Variants in BPHL observed in about 807,000 individuals in gnomAD.
BPHL encodes serine hydrolase BPHL.
BPHL carries 27 observed loss-of-function variants against 31.2 expected under a neutral mutation model. The observed-to-expected ratio is 0.87, with a 90% CI of 0.64 to 1.19. BPHL has a LOEUF of 1.19. BPHL is among the 50% of genes most tolerant of loss of function. The probability of loss-of-function intolerance (pLI) is 0.00; values close to 1 mark genes in which losing one functional copy is unlikely to be tolerated. For synonymous variants in BPHL, 150 were observed against 146.8 expected, an observed-to-expected ratio of 1.02 and a Z score of -0.16; for missense variants, 356 against 375.7, an observed-to-expected ratio of 0.95 and a Z score of 0.43.
chr6:3,148,500 T>C (rs549205324), intron 6 of BPHL, among the ~76,000 whole-genome samples: 1 of 152,310 alleles, frequency 6.6e-6, no homozygotes, highest in South Asian at 2.1e-4. Context: ...GGTGGGGAGG[T>C]AGACGCTGCA....
rs1219055645 is a variant in BPHL, at chr6:3,149,578, GC to G, written c.789-2905del. Among the ~76,000 whole-genome samples the G allele has an allele frequency of 6.6e-6, 1 of 152,158 alleles. No individual in the cohort carries two copies. Among genetic ancestry groups the G allele is most frequent in the Non-Finnish European group, 1.5e-5 (1 of 68,044 alleles). ...GAGGAGAGCCTGGCCAGCCAGGGCA[GC>G]CCCCAACTTCATCAGCAGCAAGGAG... On this transcript the variant is annotated intron_variant, in intron 6 of 6. Coordinates refer to ENST00000380379, the MANE Select transcript of BPHL (RefSeq NM_004332.4). The surrounding 1 kb of genome is among the most constrained non-coding windows in gnomAD (Gnocchi z 4.6).
rs756674703 is a variant in BPHL at position 3,152,517 on chromosome 6, A to G, written c.818A>G (p.Asn273Ser). ...CATTTGATGCCAGAAGGCAAACACA[A>G]CCTGCATTTGCGTTTTGCAGATGAA... ...RLHLMPEGKH[N>S]LHLRFADEFN... The change falls in exon 7 of 7, where the codon AAC (asparagine) becomes AGC (serine). Residue 273 changes from asparagine (N) to serine (S), a missense_variant. Transcript: ENST00000380379. 1.2e-6 allele frequency: 2 copies of G among 1,613,196 alleles called. No individual in the cohort carries two copies. The highest frequency in any genetic ancestry group is 8.5e-7 in the Non-Finnish European group (1 of 1,179,726).
At position 3,118,828 on chromosome 6, in the gene BPHL, G is replaced by C; in HGVS notation, c.88G>C (p.Gly30Arg). ...GCCCGGGATCCACGTCCCACGGGCCGGACCCGCGGCCGCGTTCGGGTAATG... is the reference window on the plus strand; with the variant it reads ...GCCCGGGATCCACGTCCCACGGGCCCGACCCGCGGCCGCGTTCGGGTAATG... Reference protein sequence around the residue: ...LKPGIHVPRAGPAAAFGTSVT... With the variant: ...LKPGIHVPRARPAAAFGTSVT... The change falls in exon 1 of 7, where the codon GGA becomes CGA. Residue 30 changes from glycine (G) to arginine (R), a missense_variant. Coordinates refer to ENST00000380379, the MANE Select transcript of BPHL (RefSeq NM_004332.4). 2.4e-6 allele frequency: 3 copies of C among 1,242,598 alleles called. No homozygotes were observed. The highest frequency in any genetic ancestry group is 8.4e-5 in the Admixed American group (2 of 23,718). The allele number at this position is 1,242,598 out of a possible 1,614,324, so 77.0% of individuals were successfully genotyped here.
intron 2 of BPHL, among the ~76,000 whole-genome samples, chr6:3,126,178 G>T (rs1306592322): frequency 1.3e-5 from 2 of 150,736 alleles, no homozygotes; most frequent in African/African-American, 4.9e-5. Context: ...CAGTGTTTTT[G>T]TTTAGTTTTC....
chr6:3,119,292 C>T (rs987266095), intron 1 of BPHL: 2 of 1,543,578 alleles, frequency 1.3e-6, no homozygotes, highest in Non-Finnish European at 1.7e-6. Context: ...CAGAAATCAG[C>T]CTGAGCCTGA....
intron 4 of BPHL, among the ~76,000 whole-genome samples, chr6:3,133,893 G>A (rs1355770390): frequency 6.6e-6 from 1 of 152,178 alleles, no homozygotes; most frequent in East Asian, 1.9e-4. Context: ...TACATTACAA[G>A]TGACAGATTA....
chr6:3,146,447 G>A (rs1762367285), intron 6 of BPHL, among the ~76,000 whole-genome samples: 1 of 144,960 alleles, frequency 6.9e-6, no homozygotes, highest in Non-Finnish European at 1.5e-5. Flanking sequence ...TGCTGGTTTG[G>A]GTCGGAGTGC....
intron 1 of BPHL, among the ~76,000 whole-genome samples, chr6:3,121,258 A>G (rs1288866233): frequency 6.6e-6 from 1 of 151,170 alleles, no homozygotes; most frequent in East Asian, 1.9e-4. Flanking sequence ...CACAAAAGAA[A>G]TAGCTGAACA....
At chr6:3,137,230 G>A (rs1762036748) in intron 4 of BPHL, 132 bp from the exon 5 acceptor site, 1 of 1,197,930 alleles carries the variant, frequency 8.3e-7, no homozygotes, top group East Asian at 2.4e-5. Flanking sequence ...CGAGCAGAGG[G>A]AGGGAGGGAG....
chr6:3,134,922 A>T (rs540238179), intron 4 of BPHL, among the ~76,000 whole-genome samples: 3 of 151,678 alleles, frequency 2.0e-5, no homozygotes, highest in Non-Finnish European at 4.4e-5. Flanking sequence ...TTTTTTGTAG[A>T]GACGGGGTTC....
intron 4 of BPHL, among the ~76,000 whole-genome samples, 199 bp from the exon 5 acceptor site, chr6:3,137,163 G>A (rs1263118801): frequency 1.3e-5 from 2 of 151,994 alleles, no homozygotes; most frequent in Non-Finnish European, 2.9e-5. Context: ...CCTAGTGGGA[G>A]GCAGGCACTC....
intron 6 of BPHL, among the ~76,000 whole-genome samples, chr6:3,151,537 G>A (rs2143382): frequency 0.084 from 12,829 of 151,888 alleles, 791 homozygotes; most frequent in African/African-American, 0.17. Context: ...TTCCTCCCTC[G>A]CACCTACTGA....
intron 6 of BPHL, among the ~76,000 whole-genome samples, chr6:3,141,693 G>T (rs1581479936): frequency 6.6e-6 from 1 of 152,280 alleles, no homozygotes; most frequent in East Asian, 1.9e-4. Context: ...TTTAGTAGGG[G>T]CTGGGCACAG....
chr6:3,153,271 C>A lies in BPHL; in HGVS notation c.*696C>A. The A allele has an allele frequency of 6.3e-6, 1 of 158,806 alleles. No homozygotes were observed. Among genetic ancestry groups the A allele is most frequent in the Admixed American group, 5.9e-5 (1 of 16,980 alleles). The allele number at this position is 158,806 out of a possible 1,614,324, so 9.8% of individuals were successfully genotyped here. Reference sequence around the variant, plus strand: ...GTACCTTTTATCTGAGAGGTTCAAGCTTCACTTGTGTTTTTATTTGTGTTT... The same window carrying A: ...GTACCTTTTATCTGAGAGGTTCAAGATTCACTTGTGTTTTTATTTGTGTTT... On this transcript the variant is annotated 3_prime_UTR_variant, in exon 7 of 7. Coordinates refer to ENST00000380379, the MANE Select transcript of BPHL (RefSeq NM_004332.4).
At chr6:3,148,550 G>T (rs1212032384) in intron 6 of BPHL, among the ~76,000 whole-genome samples, 1 of 152,268 alleles carries the variant, frequency 6.6e-6, no homozygotes, top group Non-Finnish European at 1.5e-5. Flanking sequence ...ACTGCCTCCA[G>T]CCTGGACGCA....
At chr6:3,139,383 T>G (rs1762104999) in intron 5 of BPHL, 1 of 152,232 alleles carries the variant, frequency 6.6e-6, no homozygotes, top group African/African-American at 2.4e-5. Flanking sequence ...CATGTTGACT[T>G]TGATCATCAC....
intron 1 of BPHL, among the ~76,000 whole-genome samples, chr6:3,121,120 A>G (rs1422783722): frequency 6.6e-6 from 1 of 152,196 alleles, no homozygotes; most frequent in African/African-American, 2.4e-5. Context: ...AGTAGGCACA[A>G]TGGGAATATT....
intron 5 of BPHL, chr6:3,138,051 A>T (rs1248664381): frequency 8.4e-7 from 1 of 1,187,862 alleles, no homozygotes; most frequent in Non-Finnish European, 1.1e-6. Flanking sequence ...ATGGAGTCTC[A>T]CTCTGTCACC....
intron 6 of BPHL, among the ~76,000 whole-genome samples, chr6:3,141,498 G>A (rs1207145383): frequency 6.6e-6 from 1 of 152,180 alleles, no homozygotes; most frequent in African/African-American, 2.4e-5. Context: ...CTCCCAAATA[G>A]GTGGGATTAC....
Sources: gnomAD v4.1 joint callset for allele counts (sites outside exome capture counted in the v4.1 genomes callset) on GRCh38, gnomAD v4.1.1 for gene constraint, Gnocchi (gnomAD v3.1) non-coding constraint, MANE v1.5 for transcripts, NCBI Gene and HGNC (gene_info 2026-07-23, HGNC 2026-07-21) for gene names.